The following SF3A2 variants were observed in gnomAD, a reference collection of about 807,000 sequenced individuals.
SF3A2 encodes the protein SAP 62.
SF3A2 carries 5 observed loss-of-function variants against 31.1 expected under a neutral mutation model. The ratio of observed to expected loss-of-function variants is 0.16; its 90% CI spans 0.08 to 0.34. SF3A2 has a LOEUF of 0.34. SF3A2 is among the 10% of genes least tolerant of loss of function. The pLI, the probability that SF3A2 is intolerant of heterozygous loss-of-function variation, is 1.00. For missense variants in SF3A2, 577 were observed against 643.9 expected, an observed-to-expected ratio of 0.90 and a Z score of 1.13; for synonymous variants, 365 against 263.7, an observed-to-expected ratio of 1.38 and a Z score of -3.72.
Position 2,248,081 on chromosome 19 carries a change from C to A in SF3A2, c.930C>A (p.Pro310=), listed in dbSNP as rs1445847850. Reference sequence around the variant, plus strand: ...ATCCCCCAGCTCCTGGCGTCCACCCCCCAGCTCCTGGCGTCCATCCCCCAG... The same window carrying A: ...ATCCCCCAGCTCCTGGCGTCCACCCACCAGCTCCTGGCGTCCATCCCCCAG... ...GVHPPAPGVH[P]PAPGVHPPAP... Residue 310 remains proline, a synonymous_variant, in exon 9 of 9, where the codon CCC becomes CCA. Coordinates refer to ENST00000221494, the MANE Select transcript of SF3A2 (RefSeq NM_007165.5). 2 of 952,194 alleles carry A rather than the reference C, an allele frequency of 2.1e-6. No individual in the cohort carries two copies. The highest frequency in any genetic ancestry group is 1.6e-6 in the Non-Finnish European group (1 of 614,432). 59.0% of individuals were successfully genotyped at this position (952,194 alleles called of 1,614,324 possible).
At chr19:2,239,582 G>T (rs964888634) in intron 1 of SF3A2, among the ~76,000 whole-genome samples, 2 of 152,038 alleles carry the variant, frequency 1.3e-5, no homozygotes, top group Non-Finnish European at 2.9e-5. Flanking sequence ...ATCCTGGTGG[G>T]TGCTTGGTAT....
intron 1 of SF3A2, among the ~76,000 whole-genome samples, chr19:2,240,308 C>G (rs2024878453): frequency 6.6e-6 from 1 of 152,206 alleles, no homozygotes; most frequent in Non-Finnish European, 1.5e-5. Context: ...ACCCTGGACC[C>G]CCTTGCTCTG....
In SF3A2 at chr19:2,245,395, T is replaced by G; in HGVS notation, c.246-51T>G. 2.9e-6 allele frequency: 4 copies of G among 1,386,470 alleles called. No homozygotes were observed. Among genetic ancestry groups the G allele is most frequent in the Non-Finnish European group, 3.0e-6 (3 of 1,000,676 alleles). 85.9% of individuals were successfully genotyped at this position (1,386,470 alleles called of 1,614,324 possible). A position where few individuals can be genotyped will look rare whatever the true frequency, so the allele number is the denominator to read the frequency against. ...GCTCCTGGCACCTGGGCCCATGGCT[T>G]TGGTGCCTGTGTGTGGAGGGGTCCC... On this transcript the variant is annotated intron_variant, in intron 4 of 8. Coordinates refer to ENST00000221494, the MANE Select transcript of SF3A2 (RefSeq NM_007165.5). This position sits in a 1 kb window ranked among gnomAD's most constrained non-coding sequence, Gnocchi z 4.2.
In SF3A2 at chr19:2,248,221, T is replaced by C; in HGVS notation, c.1070T>C (p.Val357Ala). 2 of 1,193,322 alleles carry C rather than the reference T, an allele frequency of 1.7e-6. No individual in the cohort carries two copies. Among genetic ancestry groups the C allele is most frequent in the Non-Finnish European group, 1.1e-6 (1 of 935,530 alleles). The allele number at this position is 1,193,322 out of a possible 1,614,324, so 73.9% of individuals were successfully genotyped here. ...GGAGTCCACCCACCAGCCCCTGGGGTTCACCCACCAGCCCCAGGGGTCCAT... is the reference window on the plus strand; with the variant it reads ...GGAGTCCACCCACCAGCCCCTGGGGCTCACCCACCAGCCCCAGGGGTCCAT... ...APGVHPPAPG[V>A]HPPAPGVHPP... is the part of the protein sequence containing the mutation. Residue 357 changes from valine (V) to alanine (A), a missense_variant, in exon 9 of 9, where the codon GTT (valine) becomes GCT (alanine). By Grantham distance (64) the Val-to-Ala change is moderately conservative. This residue lies in a region of SF3A2 where 462 missense variants were observed against 339.1 expected (regional missense o/e 1.36). Coordinates refer to ENST00000221494, the MANE Select transcript of SF3A2 (RefSeq NM_007165.5).
At chr19:2,247,176 A>ACAGGCCGGGCCGGGCC in intron 7 of SF3A2, 154 bp downstream of exon 7, 2 of 48,284 alleles carry the variant, frequency 4.1e-5, no homozygotes, top group Admixed American at 3.9e-4. Context: ...CGGGCAGGGC[A>ACAGGCCGGGCCGGGCC]CCTCTCCCAT....
At position 2,248,355 on chromosome 19, in the gene SF3A2, C is replaced by G; in HGVS notation, c.1204C>G (p.Pro402Ala). Reference protein sequence around the residue: ...GVHPPAPGMHPQAPGVHPQPP... With the variant: ...GVHPPAPGMHAQAPGVHPQPP... ...GCACCCACCAGCCCCAGGGATGCAC[C>G]CTCAGGCCCCGGGGGTCCACCCCCA... The change falls in exon 9 of 9, where the codon CCT becomes GCT. Residue 402 changes from proline (P) to alanine (A), a missense_variant. Pro to Ala is a conservative substitution (Grantham distance 27). This residue lies in a region of SF3A2 where 462 missense variants were observed against 339.1 expected (regional missense o/e 1.36). Transcript: ENST00000221494. The G allele has an allele frequency of 3.6e-6, 5 of 1,385,372 alleles. 1 individual carries two copies. In the South Asian group the frequency reaches 8.5e-5, roughly 24 times the overall value. The allele number at this position is 1,385,372 out of a possible 1,614,324, so 85.8% of individuals were successfully genotyped here.
chr19:2,248,059 C>A lies in SF3A2; in HGVS notation c.908C>A (p.Pro303His). ...CATCCCCCTGCATCTGGGGTCCATC[C>A]CCCAGCTCCTGGCGTCCACCCCCCA... is the stretch of plus-strand genomic sequence containing the variant. The part of the protein sequence containing the change: ...VVHPPASGVH[P>H]PAPGVHPPAP... The change falls in exon 9 of 9, where the codon CCC (proline) becomes CAC (histidine). Residue 303 changes from proline to histidine, a missense_variant. Physicochemically the swap from Pro to His is moderately conservative, Grantham distance 77. This residue lies in a region of SF3A2 where 462 missense variants were observed against 339.1 expected (regional missense o/e 1.36). Transcript: ENST00000221494. 2.1e-6 allele frequency: 2 copies of A among 932,348 alleles called. No homozygotes were observed. The highest frequency in any genetic ancestry group is 3.3e-6 in the Non-Finnish European group (2 of 606,960). 57.8% of individuals were successfully genotyped at this position (932,348 alleles called of 1,614,324 possible).
chr19:2,247,508 G>C, intron 7 of SF3A2, 86 bp from the exon 8 acceptor site: 1 of 1,377,568 alleles, frequency 7.3e-7, no homozygotes, highest in Non-Finnish European at 1.0e-6. Context: ...GTCCGGGCTG[G>C]GGAGGCTAGT....
Position 2,247,855 on chromosome 19 carries a change from C to A in SF3A2, c.704C>A (p.Pro235His). The A allele has an allele frequency of 6.5e-7, 1 of 1,534,322 alleles. No individual in the cohort carries two copies. Among genetic ancestry groups the A allele is most frequent in the Non-Finnish European group, 9.0e-7 (1 of 1,115,300 alleles). ...CCCCCTGGGGTGAAGCGGCCTCCAC[C>A]CCCGCTGATGAACGGTCTGCCCCCT... Reference protein sequence around the residue: ...AGPPGVKRPPPPLMNGLPPRP... With the variant: ...AGPPGVKRPPHPLMNGLPPRP... Residue 235 changes from proline (P) to histidine (H), a missense_variant, in exon 9 of 9, where the codon CCC (proline) becomes CAC (histidine). Pro to His is a moderately conservative substitution (Grantham distance 77). Coordinates refer to ENST00000221494, the MANE Select transcript of SF3A2 (RefSeq NM_007165.5).
chr19:2,243,675 C>A, intron 2 of SF3A2, 131 bp downstream of exon 2: 1 of 1,079,844 alleles, frequency 9.3e-7, no homozygotes, highest in Non-Finnish European at 1.2e-6. Context: ...CAGACGCTCC[C>A]CTGTTGCCCC....
At chr19:2,247,123 C>T in intron 7 of SF3A2, 101 bp downstream of exon 7, 8 of 1,485,612 alleles carry the variant, frequency 5.4e-6, no homozygotes, top group South Asian at 1.3e-5. Context: ...CTTGGGGTCC[C>T]CTGGGCCCCC....
In SF3A2 at chr19:2,248,144, CCCAGCTCCTGGAGTCCACCCT is replaced by C. The variant is rs777414546; in HGVS notation, c.999_1019del (p.Ala361_Pro367del). The C allele has an allele frequency of 6.2e-5, 82 of 1,330,132 alleles. 1 individual carries two copies. In the East Asian group the frequency reaches 1.3e-3, roughly 21 times the overall value. The allele number at this position is 1,330,132 out of a possible 1,614,324, so 82.4% of individuals were successfully genotyped here. On this transcript the variant is annotated inframe_deletion, in exon 9 of 9. Coordinates refer to ENST00000221494, the MANE Select transcript of SF3A2 (RefSeq NM_007165.5). ...ACCCACCAACCTCTGGGGTCCACCC[CCCAGCTCCTGGAGTCCACCCT>C]CCAGCCCCCGGGGTTCACCCACCAG...
At chr19:2,239,400 C>T (rs1215087646) in intron 1 of SF3A2, among the ~76,000 whole-genome samples, 2 of 150,750 alleles carry the variant, frequency 1.3e-5, no homozygotes, top group South Asian at 2.1e-4. Context: ...TCTGTATTTG[C>T]TCAGAACTGT....
chr19:2,244,328 G>C (rs1006512537), intron 2 of SF3A2, among the ~76,000 whole-genome samples: 3 of 152,088 alleles, frequency 2.0e-5, no homozygotes, highest in African/African-American at 7.2e-5. Context: ...TCGAAGCCTG[G>C]CCCACAGCCC....
intron 4 of SF3A2, 64 bp downstream of exon 4, chr19:2,244,843 G>A: frequency 3.4e-6 from 5 of 1,482,680 alleles, no homozygotes; most frequent in Non-Finnish European, 2.8e-6. Flanking sequence ...GTCTCTGTGA[G>A]CCTCGCGGGC....
rs577949961 is a variant in SF3A2, at chr19:2,245,243, A to G, written c.246-203A>G. On this transcript the variant is annotated intron_variant, in intron 4 of 8. Transcript: ENST00000221494. This position sits in a 1 kb window ranked among gnomAD's most constrained non-coding sequence, Gnocchi z 4.2. ...GTTGTTGGAAGGGCCCCAGCCAGGGACAGTGAGGAGCATGACAGGAAGAGA... is the reference window on the plus strand; with the variant it reads ...GTTGTTGGAAGGGCCCCAGCCAGGGGCAGTGAGGAGCATGACAGGAAGAGA... 4 of 550,134 alleles carry G rather than the reference A, an allele frequency of 7.3e-6. No homozygotes were observed. The South Asian group carries it at 7.8e-5, about 11-fold the overall frequency. The allele number at this position is 550,134 out of a possible 1,614,324, so 34.1% of individuals were successfully genotyped here.
intron 4 of SF3A2, 178 bp downstream of exon 4, chr19:2,244,957 G>A (rs1305184145): frequency 3.2e-6 from 2 of 615,980 alleles, no homozygotes; most frequent in African/African-American, 1.8e-5. Context: ...GGCTGAGGCG[G>A]GCAGATCACT....
rs1488036855 is a variant in SF3A2 at position 2,246,527 on chromosome 19, T to G, written c.356-226T>G. On this transcript the variant is annotated intron_variant, in intron 5 of 8. Transcript: ENST00000221494. This position sits in a 1 kb window ranked among gnomAD's most constrained non-coding sequence, Gnocchi z 5.5. ...GGATTGGGACAAAGGAGCACCATCCTCGGTCCCTGCCTGAGTGACTCCGCA... is the reference window on the plus strand; with the variant it reads ...GGATTGGGACAAAGGAGCACCATCCGCGGTCCCTGCCTGAGTGACTCCGCA... Among the ~76,000 whole-genome samples the G allele has an allele frequency of 6.6e-6, 1 of 152,054 alleles. No individual in the cohort carries two copies. The highest frequency in any genetic ancestry group is 6.5e-5 in the Admixed American group (1 of 15,280).
Position 2,246,744 on chromosome 19 carries a change from G to C in SF3A2, c.356-9G>C. 1 of 1,613,950 alleles carries C rather than the reference G, an allele frequency of 6.2e-7. No homozygotes were observed. Among genetic ancestry groups the C allele is most frequent in the Non-Finnish European group, 8.5e-7 (1 of 1,179,980 alleles). On this transcript the variant is annotated splice_polypyrimidine_tract_variant and intron_variant, in intron 5 of 8. Coordinates refer to ENST00000221494, the MANE Select transcript of SF3A2 (RefSeq NM_007165.5). This position sits in a 1 kb window ranked among gnomAD's most constrained non-coding sequence, Gnocchi z 5.5. ...AGCAGCCGGGACCTGAGAGCTTTCT[G>C]TGTTGCAGTGACCAAGCAGAGAGAC...
Sources: gnomAD v4.1 joint callset for allele counts (sites outside exome capture counted in the v4.1 genomes callset) on GRCh38, gnomAD v4.1.1 for gene constraint, gnomAD v4.1.1 regional missense constraint, Gnocchi (gnomAD v3.1) non-coding constraint, MANE v1.5 for transcripts, NCBI Gene and HGNC (gene_info 2026-07-23, HGNC 2026-07-21) for gene names.